DMXL1: variants seen among roughly 807,000 people sequenced by gnomAD.
DMXL1 encodes Dmx like 1.
In DMXL1, 99 loss-of-function variants were observed where a neutral mutation model predicts 319.2. The observed-to-expected ratio is 0.31, with a 90% CI of 0.26 to 0.37. DMXL1 has a LOEUF of 0.37. DMXL1 is among the 10% of genes least tolerant of loss of function. The pLI is 1.00. For missense variants in DMXL1, 3,745 were observed against 3,595.6 expected, an observed-to-expected ratio of 1.04 and a Z score of -1.06; for synonymous variants, 1,385 against 1,235.2, an observed-to-expected ratio of 1.12 and a Z score of -2.54.
intron 1 of DMXL1, among the ~76,000 whole-genome samples, chr5:119,096,244 T>C (rs1056731057): frequency 6.6e-6 from 1 of 151,652 alleles, no homozygotes; most frequent in Non-Finnish European, 1.5e-5. Flanking sequence ...TGGCGCGATC[T>C]CAGCTTGCTG....
At chr5:119,242,484 G>A (rs1789006622) in intron 42 of DMXL1, among the ~76,000 whole-genome samples, 1 of 152,114 alleles carries the variant, frequency 6.6e-6, no homozygotes. Flanking sequence ...AAATAAATGA[G>A]TGATACTCCA....
intron 23 of DMXL1, among the ~76,000 whole-genome samples, chr5:119,168,147 C>T (rs1054529022): frequency 3.9e-5 from 6 of 152,014 alleles, no homozygotes; most frequent in African/African-American, 1.5e-4. Flanking sequence ...TGTTATAAAG[C>T]CAGTTTTTAA....
rs141221205 is a variant in DMXL1, at chr5:119,166,638, A to G, written c.4993A>G (p.Thr1665Ala). 1.2e-6 allele frequency: 2 copies of G among 1,609,678 alleles called. No individual in the cohort carries two copies. Among genetic ancestry groups the G allele is most frequent in the Non-Finnish European group, 1.7e-6 (2 of 1,178,738 alleles). ...LYRAEKNTRM[T>A]QFFGHNFEDE... ...TAGAGCTGAAAAAAACACCAGGATG[A>G]CACAGTTTTTTGGACACAATTTTGA... The change falls in exon 22 of 44, where the codon ACA (threonine) becomes GCA (alanine). Residue 1665 changes from threonine to alanine, a missense_variant. Transcript: ENST00000539542.
chr5:119,108,098 C>A (rs985023468), intron 4 of DMXL1, among the ~76,000 whole-genome samples: 36 of 152,146 alleles, frequency 2.4e-4, no homozygotes, highest in Non-Finnish European at 2.9e-4. Flanking sequence ...CATGCTGGCC[C>A]ATACCTGTAA....
chr5:119,185,566 G>C (rs1056450341), intron 28 of DMXL1, among the ~76,000 whole-genome samples: 5 of 152,082 alleles, frequency 3.3e-5, no homozygotes, highest in Non-Finnish European at 7.4e-5. Flanking sequence ...GCACTGGCAT[G>C]ATCCTGGCTC....
At chr5:119,076,401 G>T (rs915554679) in intron 1 of DMXL1, among the ~76,000 whole-genome samples, 2 of 147,358 alleles carry the variant, frequency 1.4e-5, no homozygotes, top group Non-Finnish European at 3.0e-5. Context: ...GAAGGTGTTT[G>T]TTTTTTTTTT....
intron 23 of DMXL1, among the ~76,000 whole-genome samples, chr5:119,169,019 A>C (rs960480586): frequency 7.9e-5 from 12 of 151,988 alleles, no homozygotes; most frequent in African/African-American, 2.9e-4. Context: ...TTCCCACCCC[A>C]GCGTCCTGAG....
chr5:119,096,585 A>G lies in DMXL1; in HGVS notation c.88-1394A>G, dbSNP rs569055414. On this transcript the variant is annotated intron_variant, in intron 1 of 43. Coordinates refer to ENST00000539542, the MANE Select transcript of DMXL1 (RefSeq NM_001290321.3). ...GAAAACAGTTTGTGTTAGATGTCTT[A>G]TTGTTGTAACGTGTGCCAGTCTATA... Among the ~76,000 whole-genome samples the G allele has an allele frequency of 2.0e-5, 3 of 152,320 alleles. No individual in the cohort carries two copies. The South Asian group carries it at 6.2e-4, about 32-fold the overall frequency.
intron 19 of DMXL1, among the ~76,000 whole-genome samples, chr5:119,152,959 A>C (rs1770155054): frequency 6.6e-6 from 1 of 151,704 alleles, no homozygotes; most frequent in African/African-American, 2.4e-5. Flanking sequence ...GAAAATTCTA[A>C]ATCAAATTCT....
At chr5:119,188,050 G>A (rs936091206) in intron 28 of DMXL1, among the ~76,000 whole-genome samples, 20 of 152,206 alleles carry the variant, frequency 1.3e-4, no homozygotes, top group African/African-American at 4.1e-4. Flanking sequence ...TTCATGTCAC[G>A]TGACTGGATT....
intron 1 of DMXL1, among the ~76,000 whole-genome samples, chr5:119,089,686 C>A (rs545941792): frequency 6.8e-6 from 1 of 146,448 alleles, no homozygotes; most frequent in Admixed American, 7.0e-5. Flanking sequence ...TGTGCAATGG[C>A]GCAATCTTGT....
intron 2 of DMXL1, among the ~76,000 whole-genome samples, chr5:119,099,770 A>G (rs1444537570): frequency 1.3e-5 from 2 of 152,160 alleles, no homozygotes; most frequent in East Asian, 1.9e-4. Flanking sequence ...AGGAGGGTCA[A>G]GGTGGGCAAA....
intron 3 of DMXL1, among the ~76,000 whole-genome samples, chr5:119,104,709 A>G (rs1207557244): frequency 2.0e-5 from 3 of 152,226 alleles, no homozygotes; most frequent in African/African-American, 4.8e-5. Context: ...GCAGAAAAAA[A>G]GGGAAAAATT....
chr5:119,172,377 T>C (rs1774762540), intron 25 of DMXL1, among the ~76,000 whole-genome samples: 1 of 152,204 alleles, frequency 6.6e-6, no homozygotes, highest in Non-Finnish European at 1.5e-5. Context: ...ATTTTAAGGA[T>C]AATGTGAACT....
At chr5:119,134,523 A>T in intron 13 of DMXL1, 134 bp downstream of exon 13, 1 of 792,396 alleles carries the variant, frequency 1.3e-6, no homozygotes, top group Non-Finnish European at 1.9e-6. Flanking sequence ...ATTTTTTCAC[A>T]TTTGTACTCT....
rs1346605023 is a variant in DMXL1 at position 119,149,656 on chromosome 5, C to T, written c.3829C>T (p.Pro1277Ser). 1 of 1,613,946 alleles carries T rather than the reference C, an allele frequency of 6.2e-7. No individual in the cohort carries two copies. Among genetic ancestry groups the T allele is most frequent in the Non-Finnish European group, 8.5e-7 (1 of 1,179,932 alleles). Residue 1277 changes from proline (P) to serine (S), a missense_variant, in exon 18 of 44, where the codon CCT (proline) becomes TCT (serine). Pro to Ser is a moderately conservative substitution (Grantham distance 74). Transcript: ENST00000539542. ...GAGTAACTCCAGTTCTGGGTTACAT[C>T]CTCCAAAGAAAACTCTGACTCGATC... Reference protein sequence around the residue: ...KQSNSSSGLHPPKKTLTRSMT... With the variant: ...KQSNSSSGLHSPKKTLTRSMT...
intron 11 of DMXL1, 26 bp from the exon 12 acceptor site, chr5:119,133,468 T>G (rs1765367043): frequency 6.3e-7 from 1 of 1,589,612 alleles, no homozygotes; most frequent in African/African-American, 1.4e-5. Flanking sequence ...TTTTATATGT[T>G]CTAACACTTG....
At chr5:119,226,517 T>C (rs1785594796) in intron 38 of DMXL1, among the ~76,000 whole-genome samples, 1 of 152,226 alleles carries the variant, frequency 6.6e-6, no homozygotes, top group South Asian at 2.1e-4. Flanking sequence ...TATGCTGTCA[T>C]GTACAGTTCT....
chr5:119,224,420 A>G (rs1785176427), intron 37 of DMXL1, among the ~76,000 whole-genome samples: 1 of 152,052 alleles, frequency 6.6e-6, no homozygotes, highest in African/African-American at 2.4e-5. Context: ...TTATTACTGA[A>G]TAATAAATGT....
Sources: allele counts gnomAD v4.1 joint callset (sites outside exome capture counted in the v4.1 genomes callset), GRCh38; gene constraint gnomAD v4.1.1; transcripts MANE v1.5; gene names NCBI Gene and HGNC (gene_info 2026-07-23, HGNC 2026-07-21).